Variants in FOXP2 observed in about 807,000 individuals in gnomAD.
FOXP2 encodes forkhead box P2, also known as forkhead box protein P2.
In FOXP2, 12 loss-of-function variants were observed where a neutral mutation model predicts 115.8. The observed-to-expected ratio is 0.10, with a 90% confidence interval of 0.07 to 0.17. The LOEUF is 0.17. Among genes scored for constraint, FOXP2 ranks in the 10% least tolerant of loss-of-function variants. The pLI is 1.00. For synonymous variants in FOXP2, 328 were observed against 297.7 expected (o/e 1.10, Z -1.05); for missense variants, 629 against 843.5 (o/e 0.75, Z 3.15).
intron 2 of FOXP2, among the ~76,000 whole-genome samples, chr7:114,398,203 G>T (rs139692517): frequency 1.3e-5 from 2 of 151,864 alleles, no homozygotes; most frequent in East Asian, 3.9e-4. Flanking sequence ...AAAAAATTAC[G>T]TTTTTCAAAA....
chr7:114,146,650 T>C (rs1212967538), intron 1 of FOXP2, among the ~76,000 whole-genome samples: 1 of 152,218 alleles, frequency 6.6e-6, no homozygotes, highest in Admixed American at 6.5e-5. Context: ...TTGAACATTA[T>C]AAACGTAAAA....
At chr7:114,205,444 G>T (rs899865567) in intron 1 of FOXP2, among the ~76,000 whole-genome samples, 1 of 152,236 alleles carries the variant, frequency 6.6e-6, no homozygotes, top group African/African-American at 2.4e-5. Context: ...CTTTACAACA[G>T]CTTCATGAGT....
intron 1 of FOXP2, among the ~76,000 whole-genome samples, chr7:114,252,770 G>C (rs1183736824): frequency 6.6e-6 from 1 of 151,120 alleles, no homozygotes; most frequent in Non-Finnish European, 1.5e-5. Context: ...TTTTTTGAAG[G>C]GTTTTTTGTG....
At chr7:114,639,856 T>C (rs1394682454) in intron 6 of FOXP2, among the ~76,000 whole-genome samples, 1 of 151,534 alleles carries the variant, frequency 6.6e-6, no homozygotes, top group African/African-American at 2.4e-5. Context: ...TTTGTTTCTG[T>C]TGTTGTTGTT....
chr7:114,145,260 CA>C (rs1358773823), intron 1 of FOXP2, among the ~76,000 whole-genome samples: 3 of 152,036 alleles, frequency 2.0e-5, no homozygotes, highest in African/African-American at 7.2e-5. Context: ...ATAAAGGATA[CA>C]ATTAAGACAT....
chr7:114,544,581 T>A (rs534798834), intron 3 of FOXP2, among the ~76,000 whole-genome samples: 1 of 152,370 alleles, frequency 6.6e-6, no homozygotes, highest in African/African-American at 2.4e-5. Flanking sequence ...CATCTTCTAC[T>A]GCTAGTGCTA....
At chr7:114,385,989 C>A (rs959546023) in intron 2 of FOXP2, among the ~76,000 whole-genome samples, 1 of 152,218 alleles carries the variant, frequency 6.6e-6, no homozygotes, top group South Asian at 2.1e-4. Flanking sequence ...CCATGGAACC[C>A]AGTGACTAGT....
At chr7:114,208,285 A>G (rs1794251969) in intron 1 of FOXP2, among the ~76,000 whole-genome samples, 2 of 152,120 alleles carry the variant, frequency 1.3e-5, no homozygotes, top group Admixed American at 6.5e-5. Flanking sequence ...TGACTGCCCT[A>G]CTGGATTTTG....
chr7:114,537,104 G>A (rs1799431355), intron 3 of FOXP2, among the ~76,000 whole-genome samples: 1 of 151,318 alleles, frequency 6.6e-6, no homozygotes, highest in Non-Finnish European at 1.5e-5. Flanking sequence ...TTTAAAAAGG[G>A]TACGATGTTT....
intron 1 of FOXP2, among the ~76,000 whole-genome samples, chr7:114,275,497 T>A (rs972279391): frequency 1.3e-5 from 2 of 152,198 alleles, no homozygotes; most frequent in Non-Finnish European, 2.9e-5. Context: ...AGCAGTTTTT[T>A]AAATCTCTAG....
chr7:114,230,606 T>C (rs1022325454), intron 1 of FOXP2, among the ~76,000 whole-genome samples: 2 of 151,810 alleles, frequency 1.3e-5, no homozygotes, highest in African/African-American at 4.8e-5. Context: ...CATTAACAGA[T>C]TGAAAGATAA....
At chr7:114,615,865 A>G (rs1162621237) in intron 3 of FOXP2, among the ~76,000 whole-genome samples, 1 of 152,194 alleles carries the variant, frequency 6.6e-6, no homozygotes, top group Non-Finnish European at 1.5e-5. Context: ...TGATCCTATC[A>G]GTTCATGGTC....
At chr7:114,152,893 T>A (rs1204994982) in intron 1 of FOXP2, among the ~76,000 whole-genome samples, 1 of 152,142 alleles carries the variant, frequency 6.6e-6, no homozygotes, top group Non-Finnish European at 1.5e-5. Flanking sequence ...GCAGCAGGAT[T>A]TCCAGGCACT....
chr7:114,319,542 A>T (rs1797360886), intron 2 of FOXP2, among the ~76,000 whole-genome samples: 1 of 152,218 alleles, frequency 6.6e-6, no homozygotes, highest in Non-Finnish European at 1.5e-5. Flanking sequence ...GGATGGCAGC[A>T]GGCAAAGAGA....
intron 1 of FOXP2, among the ~76,000 whole-genome samples, chr7:114,126,261 G>T (rs1482033045): frequency 6.6e-6 from 1 of 151,668 alleles, no homozygotes; most frequent in Non-Finnish European, 1.5e-5. Context: ...TGCCTACTAG[G>T]TTTATTTATA....
rs948163174 is a variant in FOXP2 at position 114,288,111 on chromosome 7, T to C, written c.-11+2T>C. ...TTGTGGAAGATCTGGAAGAAACAGG[T>C]AAGTGTCCTTTTGGTAAAAATTCTC... is the stretch of plus-strand genomic sequence containing the variant. On this transcript the variant is annotated splice_donor_variant, in intron 2 of 17. Coordinates refer to the FOXP2 transcript ENST00000634411. LOFTEE classifies it low-confidence loss of function (5UTR_SPLICE). The C allele has an allele frequency of 8.8e-6, 4 of 452,918 alleles. No homozygotes were observed. The Admixed American group carries it at 9.4e-5, about 11-fold the overall frequency. The allele number at this position is 452,918 out of a possible 1,614,324, so 28.1% of individuals were successfully genotyped here. A position where few individuals can be genotyped will look rare whatever the true frequency, so the allele number is the denominator to read the frequency against.
At chr7:114,655,384 A>G (rs994917588) in intron 10 of FOXP2, among the ~76,000 whole-genome samples, 1 of 152,200 alleles carries the variant, frequency 6.6e-6, no homozygotes, top group African/African-American at 2.4e-5. Flanking sequence ...ACCTGAATGA[A>G]TAATGTAATT....
chr7:114,416,765 G>A (rs1793365145), intron 1 of FOXP2, among the ~76,000 whole-genome samples: 1 of 151,980 alleles, frequency 6.6e-6, no homozygotes, highest in Non-Finnish European at 1.5e-5. Flanking sequence ...TTGAGAATAT[G>A]TGGAGAGGTT....
chr7:114,456,361 A>C (rs1218684814), intron 2 of FOXP2, among the ~76,000 whole-genome samples: 1 of 152,206 alleles, frequency 6.6e-6, no homozygotes, highest in Non-Finnish European at 1.5e-5. Context: ...ACACTGAGAA[A>C]ACCATGGTTA....
Sources: allele counts gnomAD v4.1 joint callset (sites outside exome capture counted in the v4.1 genomes callset), GRCh38; gene constraint gnomAD v4.1.1; transcripts MANE v1.5; gene names NCBI Gene and HGNC (gene_info 2026-07-23, HGNC 2026-07-21).